MYRIP: variants seen among roughly 807,000 people sequenced by gnomAD.
The protein encoded by MYRIP is rab effector MyRIP.
In MYRIP, 49 loss-of-function variants were observed where a neutral mutation model predicts 98.0. That is an observed-to-expected ratio of 0.50 (90% CI 0.40 to 0.63). The LOEUF is 0.63. Ranked by LOEUF, MYRIP falls within the 30% of genes least tolerant of loss-of-function variation. The probability of loss-of-function intolerance (pLI) is 0.00; values close to 1 mark genes in which losing one functional copy is unlikely to be tolerated. For missense variants in MYRIP, 1,004 were observed against 1,058.2 expected, an observed-to-expected ratio of 0.95 and a Z score of 0.71; for synonymous variants, 404 against 409.5, an observed-to-expected ratio of 0.99 and a Z score of 0.16.
chr3:39,951,892 G>A (rs561400529), intron 2 of MYRIP, among the ~76,000 whole-genome samples: 35 of 152,034 alleles, frequency 2.3e-4, no homozygotes, highest in Non-Finnish European at 3.1e-4. Flanking sequence ...CTTTTTAAAC[G>A]CGCTTTATGA....
chr3:40,167,824 A>G (rs556763754), intron 7 of MYRIP, among the ~76,000 whole-genome samples: 1 of 152,160 alleles, frequency 6.6e-6, no homozygotes, highest in Middle Eastern at 3.2e-3. Flanking sequence ...CCGGTTTAAT[A>G]TAAAGGGTAC....
At chr3:40,049,031 G>A (rs1254580834) in intron 3 of MYRIP, among the ~76,000 whole-genome samples, 5 of 152,146 alleles carry the variant, frequency 3.3e-5, no homozygotes, top group African/African-American at 4.8e-5. Context: ...TTTTCAGAGT[G>A]AGCCCAGACC....
At chr3:40,047,446 A>C (rs1947693853) in intron 3 of MYRIP, among the ~76,000 whole-genome samples, 1 of 152,214 alleles carries the variant, frequency 6.6e-6, no homozygotes. Context: ...ATTTTAAGAA[A>C]GTGGAGGGTT....
intron 3 of MYRIP, among the ~76,000 whole-genome samples, chr3:40,128,795 G>A (rs575057459): frequency 4.6e-5 from 7 of 152,264 alleles, no homozygotes; most frequent in Admixed American, 2.0e-4. Context: ...CATCAAGGTC[G>A]TTTTAAATTG....
At position 40,162,781 on chromosome 3, in the gene MYRIP, G is replaced by A; in HGVS notation, c.521G>A (p.Ser174Asn). 6.2e-7 allele frequency: 1 copy of A among 1,614,106 alleles called. No homozygotes were observed. The highest frequency in any genetic ancestry group is 8.5e-7 in the Non-Finnish European group (1 of 1,179,968). Residue 174 changes from serine (S) to asparagine (N), a missense_variant, in exon 5 of 17, where the codon AGT (serine) becomes AAT (asparagine). By Grantham distance (46) the Ser-to-Asn change is conservative. Coordinates refer to ENST00000302541, the MANE Select transcript of MYRIP (RefSeq NM_015460.4). ...GAGAATGAAGGAAGCATTTCTGGCA[G>A]TGATTCAACATTTTATAGGCAGTCA... ...NLENEGSISG[S>N]DSTFYRQSEG...
At chr3:39,876,706 G>C (rs1038161165) in intron 1 of MYRIP, among the ~76,000 whole-genome samples, 2 of 152,096 alleles carry the variant, frequency 1.3e-5, no homozygotes, top group African/African-American at 2.4e-5. Flanking sequence ...TCTGCCGAGA[G>C]ATCTGCTGTT....
chr3:40,149,417 A>C (rs1257249493), intron 3 of MYRIP, among the ~76,000 whole-genome samples: 2 of 152,208 alleles, frequency 1.3e-5, no homozygotes, highest in Non-Finnish European at 2.9e-5. Context: ...ATTGGGGATC[A>C]CATTTTAACA....
chr3:40,225,780 A>G lies in MYRIP; in HGVS notation c.1906-8079A>G, dbSNP rs150058000. Among the ~76,000 whole-genome samples the G allele has an allele frequency of 3.4e-4, 52 of 152,282 alleles. 1 individual carries two copies. The East Asian group carries it at 9.3e-3, about 27-fold the overall frequency. The stretch of plus-strand genomic sequence containing the variant: ...TCCTTGCTTCTTCTCTTCCCTCCCC[A>G]AAGAGTCTCTCGCGAACAACATTCA... On this transcript the variant is annotated intron_variant, in intron 11 of 16. Transcript: ENST00000302541.
chr3:40,207,193 C>G lies in MYRIP; in HGVS notation c.1666-2661C>G, dbSNP rs543849817. On this transcript the variant is annotated intron_variant, in intron 10 of 16. Transcript: ENST00000302541. ...CATACCACCTGGCTCCCCACTCTCT[C>G]CACTTCTGAACCTTATCCCTCAAAC... Among the ~76,000 whole-genome samples the G allele has an allele frequency of 6.6e-5, 10 of 152,340 alleles. 1 individual carries two copies. The highest frequency in any genetic ancestry group is 2.4e-4 in the African/African-American group (10 of 41,576).
At chr3:40,011,228 T>C (rs576878406) in intron 2 of MYRIP, among the ~76,000 whole-genome samples, 22 of 152,290 alleles carry the variant, frequency 1.4e-4, no homozygotes, top group Non-Finnish European at 2.5e-4. Context: ...CACTTTTATG[T>C]CATAGGCCAG....
intron 1 of MYRIP, among the ~76,000 whole-genome samples, chr3:39,835,629 A>G (rs1481891478): frequency 6.6e-6 from 1 of 152,150 alleles, no homozygotes; most frequent in Non-Finnish European, 1.5e-5. Flanking sequence ...GTTCTGGGAT[A>G]TATGTGCAGA....
intron 1 of MYRIP, among the ~76,000 whole-genome samples, chr3:39,857,255 GAGGA>G (rs144396473): frequency 8.1e-5 from 11 of 135,972 alleles, no homozygotes; most frequent in Non-Finnish European, 1.4e-4. Flanking sequence ...GGGAGGGAGG[GAGGA>G]AGGAAGGAAG....
chr3:40,204,144 T>TAATATATA lies in MYRIP; in HGVS notation c.1666-5700_1666-5693dup, dbSNP rs1172358438. Among the ~76,000 whole-genome samples the TAATATATA allele has an allele frequency of 9.0e-4, 28 of 30,958 alleles. 2 individuals carry two copies. Among genetic ancestry groups the TAATATATA allele is most frequent in the African/African-American group, 2.6e-3 (28 of 10,738 alleles). 20.3% of individuals were successfully genotyped at this position (30,958 alleles called of 152,430 possible). A position where few individuals can be genotyped will look rare whatever the true frequency, so the allele number is the denominator to read the frequency against. On this transcript the variant is annotated intron_variant, in intron 10 of 16. Transcript: ENST00000302541. The stretch of plus-strand genomic sequence containing the variant: ...ATAGAGTATTATATAATATATTATA[T>TAATATATA]AATATATAAATATATAATATAATAT...
chr3:39,959,775 A>C (rs1396216531), intron 2 of MYRIP, among the ~76,000 whole-genome samples: 1 of 152,130 alleles, frequency 6.6e-6, no homozygotes, highest in Non-Finnish European at 1.5e-5. Context: ...GTATCAATTC[A>C]ATATAATTAA....
intron 3 of MYRIP, among the ~76,000 whole-genome samples, chr3:40,084,323 C>T (rs1948556664): frequency 6.5e-5 from 5 of 77,028 alleles, no homozygotes; most frequent in African/African-American, 2.8e-4. Flanking sequence ...TATTATATAT[C>T]GATAGATAAT....
intron 1 of MYRIP, among the ~76,000 whole-genome samples, chr3:39,870,581 G>T (rs1274813394): frequency 6.6e-6 from 1 of 151,992 alleles, no homozygotes; most frequent in Non-Finnish European, 1.5e-5. Flanking sequence ...CTCTAAAAGG[G>T]CATTTTCACT....
rs1950582122 is a variant in MYRIP, at chr3:40,170,108, A to T, written c.873+15A>T. 1.2e-6 allele frequency: 2 copies of T among 1,613,732 alleles called. No individual in the cohort carries two copies. The highest frequency in any genetic ancestry group is 1.1e-5 in the South Asian group (1 of 91,062). The stretch of plus-strand genomic sequence containing the variant: ...CTGCCCTCTGGGTGAGTCCCCAAGC[A>T]GTGCTGGTCTACCCTCCACACGTGC... On this transcript the variant is annotated intron_variant, in intron 8 of 16. Coordinates refer to ENST00000302541, the MANE Select transcript of MYRIP (RefSeq NM_015460.4).
In MYRIP at chr3:40,108,174, TGAGAGAGAGAGA is replaced by T. The variant is rs72224557; in HGVS notation, c.333-42846_333-42835del. The stretch of plus-strand genomic sequence containing the variant: ...CTTAGTTATGAGTTAGCAGTGTTTG[TGAGAGAGAGAGA>T]GAGAGAGAGAGAGAGAGAGAGAGAG... On this transcript the variant is annotated intron_variant, in intron 3 of 16. Coordinates refer to ENST00000302541, the MANE Select transcript of MYRIP (RefSeq NM_015460.4). 7.2e-4 allele frequency among the ~76,000 whole-genome samples: 99 copies of T among 138,300 alleles called. 1 individual carries two copies. Among genetic ancestry groups the T allele is most frequent in the South Asian group, 3.3e-3 (14 of 4,262 alleles). 90.7% of individuals were successfully genotyped at this position (138,300 alleles called of 152,430 possible). A position where few individuals can be genotyped will look rare whatever the true frequency, so the allele number is the denominator to read the frequency against.
rs1952744900 is a variant in MYRIP at position 40,234,005 on chromosome 3, G to A, written c.2052G>A (p.Gly684=). The change falls in exon 12 of 17, where the codon GGG becomes GGA. Residue 684 remains glycine (G), a synonymous_variant. Transcript: ENST00000302541. ...GACAGAAGGGGATGTTTCCTCGTGGGACAGACCAAGTGAGACTGGATGAGC... is the reference window on the plus strand; with the variant it reads ...GACAGAAGGGGATGTTTCCTCGTGGAACAGACCAAGTGAGACTGGATGAGC... ...PDRQKGMFPR[G]TDQVRLDEQL... 3 of 1,613,040 alleles carry A rather than the reference G, an allele frequency of 1.9e-6. No individual in the cohort carries two copies. The highest frequency in any genetic ancestry group is 2.5e-6 in the Non-Finnish European group (3 of 1,179,734).
Sources: gnomAD v4.1 joint callset for allele counts (sites outside exome capture counted in the v4.1 genomes callset) on GRCh38, gnomAD v4.1.1 for gene constraint, MANE v1.5 for transcripts, NCBI Gene and HGNC (gene_info 2026-07-23, HGNC 2026-07-21) for gene names.